Variants in C8B observed in about 807,000 individuals in gnomAD.
C8B encodes the protein complement C8 beta chain.
In C8B, 67 loss-of-function variants were observed where a neutral mutation model predicts 64.6. That is an observed-to-expected ratio of 1.04 (90% CI 0.85 to 1.27). The LOEUF is 1.27. C8B is among the 50% of genes most tolerant of loss of function. The pLI, the probability that C8B is intolerant of heterozygous loss-of-function variation, is 0.00. For synonymous variants in C8B, 284 were observed against 257.7 expected, an observed-to-expected ratio of 1.10 and a Z score of -0.98; for missense variants, 790 against 725.2, an observed-to-expected ratio of 1.09 and a Z score of -1.03.
chr1:56,965,702 A>G (rs75000477), intron 1 of C8B, among the ~76,000 whole-genome samples, 155 bp downstream of exon 1: 4,691 of 152,240 alleles, frequency 0.031, 227 homozygotes, highest in African/African-American at 0.1. Flanking sequence ...ATAATTTGAA[A>G]AGAGTTGTTG....
At chr1:56,959,342 A>G (rs982932289) in intron 2 of C8B, among the ~76,000 whole-genome samples, 1 of 152,250 alleles carries the variant, frequency 6.6e-6, no homozygotes, top group Non-Finnish European at 1.5e-5. Flanking sequence ...AAGTGGCATG[A>G]TGTGATAAAT....
chr1:56,952,779 C>G (rs1645041597), intron 4 of C8B, among the ~76,000 whole-genome samples: 1 of 152,154 alleles, frequency 6.6e-6, no homozygotes, highest in Admixed American at 6.5e-5. Flanking sequence ...ACCTGTGTGC[C>G]TCAGTCTGCT....
intron 4 of C8B, among the ~76,000 whole-genome samples, 196 bp from the exon 5 acceptor site, chr1:56,952,376 T>A (rs1216074610): frequency 1.3e-5 from 2 of 152,196 alleles, no homozygotes; most frequent in African/African-American, 4.8e-5. Context: ...CCCAGCCATG[T>A]GAAGAGGCTT....
At chr1:56,930,581 A>G (rs1213841789) in intron 11 of C8B, among the ~76,000 whole-genome samples, 1 of 152,152 alleles carries the variant, frequency 6.6e-6, no homozygotes, top group Non-Finnish European at 1.5e-5. Flanking sequence ...TACTGGGAAC[A>G]TAAGAGTGCA....
chr1:56,965,277 A>G (rs1645236907), intron 1 of C8B, among the ~76,000 whole-genome samples: 1 of 152,106 alleles, frequency 6.6e-6, no homozygotes, highest in Non-Finnish European at 1.5e-5. Flanking sequence ...TTGAGCTCCC[A>G]CTAGGATATT....
At chr1:56,940,090 C>T (rs1043193377) in intron 9 of C8B, among the ~76,000 whole-genome samples, 2 of 151,990 alleles carry the variant, frequency 1.3e-5, no homozygotes, top group African/African-American at 2.4e-5. Context: ...TCTATCTTCC[C>T]TTAGTACCTT....
At chr1:56,936,121 C>G (rs1031309743) in intron 9 of C8B, among the ~76,000 whole-genome samples, 9 of 152,190 alleles carry the variant, frequency 5.9e-5, no homozygotes, top group African/African-American at 1.9e-4. Context: ...CATGCCTTTA[C>G]ACATACATCT....
chr1:56,934,759 A>C (rs1240594270), intron 9 of C8B, among the ~76,000 whole-genome samples: 1 of 152,184 alleles, frequency 6.6e-6, no homozygotes, highest in East Asian at 1.9e-4. Flanking sequence ...GGCTGTTTGC[A>C]GAACCATCCA....
At chr1:56,934,733 A>C (rs1205828958) in intron 9 of C8B, among the ~76,000 whole-genome samples, 2 of 152,124 alleles carry the variant, frequency 1.3e-5, no homozygotes, top group Admixed American at 6.5e-5. Context: ...TTTTGTGGTC[A>C]ATGAATTGAT....
At chr1:56,953,131 A>G (rs1219708869) in intron 4 of C8B, among the ~76,000 whole-genome samples, 1 of 152,168 alleles carries the variant, frequency 6.6e-6, no homozygotes, top group Non-Finnish European at 1.5e-5. Flanking sequence ...GAGGAAAAGA[A>G]TCCAGCCCCT....
rs201350131 is a variant in C8B at position 56,929,420 on chromosome 1, G to A, written c.1760C>T (p.Thr587Ile). The A allele has an allele frequency of 1.2e-6, 2 of 1,612,272 alleles. No individual in the cohort carries two copies. Among genetic ancestry groups the A allele is most frequent in the East Asian group, 4.5e-5 (2 of 44,882 alleles). Residue 587 changes from threonine (T) to isoleucine (I), a missense_variant, in exon 12 of 12, where the codon ACA becomes ATA. Transcript: ENST00000371237. ...TATCATCTGCTAGGAGCAGTCAAGT[G>A]TTTCTGAAGCAGGGCCTGAACAGGG... Reference protein sequence around the residue: ...GSPCSGPASETLDCS With the variant: ...GSPCSGPASEILDCS
intron 10 of C8B, 53 bp from the exon 11 acceptor site, chr1:56,931,931 T>C: frequency 7.9e-7 from 1 of 1,270,424 alleles, no homozygotes; most frequent in East Asian, 2.3e-5. Context: ...AGCAAAGAAC[T>C]CCTGGAGCTC....
At chr1:56,963,792 A>C in intron 1 of C8B, 1 of 831,102 alleles carries the variant, frequency 1.2e-6, no homozygotes, top group Non-Finnish European at 1.5e-6. Context: ...TGTGAGGATT[A>C]TAGCTAATGT....
rs1570414049 is a variant in C8B at position 56,966,005 on chromosome 1, CTG to C, written c.-59_-58del. 13 of 1,611,864 alleles carry C rather than the reference CTG, an allele frequency of 8.1e-6. No homozygotes were observed. In the East Asian group the frequency reaches 2.9e-4, roughly 36 times the overall value. ...CTGCTAGACCCATAACAAGCCTGTG[CTG>C]TGAGTGCCACTGTCAGCTTCTGTCC... On this transcript the variant is annotated 5_prime_UTR_variant, in exon 1 of 12. Coordinates refer to ENST00000371237, the MANE Select transcript of C8B (RefSeq NM_000066.4).
chr1:56,951,132 C>T (rs1478061259), intron 5 of C8B, among the ~76,000 whole-genome samples: 2 of 152,246 alleles, frequency 1.3e-5, no homozygotes, highest in East Asian at 1.9e-4. Context: ...AGCTGGAGTG[C>T]AGTGGTACGA....
chr1:56,962,310 T>A (rs1187012371), intron 1 of C8B, among the ~76,000 whole-genome samples: 1 of 152,206 alleles, frequency 6.6e-6, no homozygotes, highest in East Asian at 1.9e-4. Flanking sequence ...ATAAATAGTA[T>A]GTTTGTAAAT....
chr1:56,939,382 G>A (rs1203241528), intron 9 of C8B, among the ~76,000 whole-genome samples: 1 of 152,144 alleles, frequency 6.6e-6, no homozygotes, highest in Non-Finnish European at 1.5e-5. Context: ...GTTTTGAATG[G>A]CAGCCTTCTT....
chr1:56,956,933 G>A (rs767944212), intron 2 of C8B, 23 bp from the exon 3 acceptor site: 5 of 1,613,810 alleles, frequency 3.1e-6, no homozygotes, highest in Non-Finnish European at 4.2e-6. Flanking sequence ...GGAGCCAGGT[G>A]AACCAAGGGT....
intron 6 of C8B, among the ~76,000 whole-genome samples, chr1:56,947,314 C>T (rs1366494165): frequency 6.6e-6 from 1 of 152,202 alleles, no homozygotes; most frequent in African/African-American, 2.4e-5. Flanking sequence ...TTCTACACTC[C>T]TGAAGTTTTC....
Sources: allele counts gnomAD v4.1 joint callset (sites outside exome capture counted in the v4.1 genomes callset), GRCh38; gene constraint gnomAD v4.1.1; transcripts MANE v1.5; gene names NCBI Gene and HGNC (gene_info 2026-07-23, HGNC 2026-07-21).